The following VWA8 variants were observed in gnomAD, a reference collection of about 807,000 sequenced individuals.
VWA8 encodes von Willebrand factor A domain containing 8, also known as von Willebrand factor A domain-containing protein 8.
VWA8 carries 221 observed loss-of-function variants against 241.5 expected under a neutral mutation model. That is an observed-to-expected ratio of 0.91 (90% CI 0.82 to 1.02). The LOEUF is 1.02. Among genes scored for constraint, VWA8 ranks in the 50% least tolerant of loss-of-function variants. The pLI, the probability that VWA8 is intolerant of heterozygous loss-of-function variation, is 0.00. For missense variants in VWA8, 2,322 were observed against 2,328.7 expected (o/e 1.00, Z 0.06); for synonymous variants, 852 against 827.1 (o/e 1.03, Z -0.52).
chr13:41,637,406 C>T (rs1176174795), intron 37 of VWA8, among the ~76,000 whole-genome samples: 1 of 109,758 alleles, frequency 9.1e-6, no homozygotes, highest in African/African-American at 3.7e-5. Flanking sequence ...CACTCTGGGG[C>T]CTGTTGTGGG....
chr13:41,876,835 G>A (rs182166119), intron 9 of VWA8, among the ~76,000 whole-genome samples: 3 of 152,080 alleles, frequency 2.0e-5, no homozygotes, highest in East Asian at 3.9e-4. Context: ...AATACTCTCC[G>A]CAGTTCTGCT....
intron 36 of VWA8, 67 bp downstream of exon 36, chr13:41,675,148 G>C: frequency 8.5e-7 from 1 of 1,180,480 alleles, no homozygotes; most frequent in Non-Finnish European, 1.2e-6. Flanking sequence ...TTTATTCAGA[G>C]TACTTAGCAA....
At chr13:41,708,971 T>C (rs2045299927) in intron 26 of VWA8, among the ~76,000 whole-genome samples, 1 of 152,202 alleles carries the variant, frequency 6.6e-6, no homozygotes, top group South Asian at 2.1e-4. Context: ...GTCTTCTCTC[T>C]TTCTGCCATC....
intron 36 of VWA8, among the ~76,000 whole-genome samples, chr13:41,672,179 T>A (rs1475749772): frequency 6.6e-6 from 1 of 152,214 alleles, no homozygotes; most frequent in Non-Finnish European, 1.5e-5. Context: ...CGACTGCATT[T>A]GTATGTGATA....
chr13:41,890,375 A>C (rs1874776793), intron 5 of VWA8, among the ~76,000 whole-genome samples: 1 of 152,248 alleles, frequency 6.6e-6, no homozygotes, highest in South Asian at 2.1e-4. Flanking sequence ...CCTAGAATGT[A>C]CAGGCAGAGC....
chr13:41,702,304 C>T (rs1324769863), intron 27 of VWA8, among the ~76,000 whole-genome samples: 1 of 152,122 alleles, frequency 6.6e-6, no homozygotes, highest in East Asian at 1.9e-4. Flanking sequence ...TAGTCTATAT[C>T]TTGAGGGCTA....
At chr13:41,814,487 G>C (rs1240529070) in intron 16 of VWA8, among the ~76,000 whole-genome samples, 5 of 152,152 alleles carry the variant, frequency 3.3e-5, no homozygotes, top group African/African-American at 7.2e-5. Flanking sequence ...GAAGCTAAGT[G>C]TGGGAAGAGC....
chr13:41,926,854 A>G, intron 2 of VWA8: 1 of 576,316 alleles, frequency 1.7e-6, no homozygotes, highest in East Asian at 4.6e-5. Context: ...CTTCTTAATG[A>G]TATCTGTGTG....
chr13:41,706,553 AAT>A (rs2045284244), intron 26 of VWA8, among the ~76,000 whole-genome samples: 1 of 152,204 alleles, frequency 6.6e-6, no homozygotes, highest in East Asian at 1.9e-4. Context: ...AAGACCTCTG[AAT>A]AAGCTGTGGG....
chr13:41,834,566 T>C (rs1248222384), intron 12 of VWA8, among the ~76,000 whole-genome samples: 1 of 152,122 alleles, frequency 6.6e-6, no homozygotes, highest in Non-Finnish European at 1.5e-5. Context: ...TGGCTATTAC[T>C]AAAAATTCAA....
rs775794513 is a variant in VWA8, at chr13:41,787,472, T to G, written c.2135A>C (p.Asp712Ala). Residue 712 changes from aspartate to alanine, a missense_variant, in exon 18 of 45, where the codon GAT becomes GCT. Asp to Ala is a moderately radical substitution (Grantham distance 126, BLOSUM62 -2). Coordinates refer to ENST00000379310, the MANE Select transcript of VWA8 (RefSeq NM_015058.2). ...CTTCAGTTCTGGCTCCAAATTGTCA[T>G]CAGTATTTATTTCTATTGTAGCATC... The part of the protein sequence containing the change: ...LADATIEINT[D>A]DNLEPELKDY... The G allele has an allele frequency of 4.3e-6, 7 of 1,611,058 alleles. No homozygotes were observed. Among genetic ancestry groups the G allele is most frequent in the Non-Finnish European group, 5.1e-6 (6 of 1,177,888 alleles).
chr13:41,942,047 A>G (rs1311131188), intron 2 of VWA8, among the ~76,000 whole-genome samples: 2 of 152,202 alleles, frequency 1.3e-5, no homozygotes, highest in African/African-American at 4.8e-5. Flanking sequence ...AAGACCCAGA[A>G]AGCAGGAAAA....
At chr13:41,833,768 T>C (rs907115181) in intron 12 of VWA8, among the ~76,000 whole-genome samples, 1 of 152,180 alleles carries the variant, frequency 6.6e-6, no homozygotes, top group African/African-American at 2.4e-5. Flanking sequence ...GAGAGGTTTT[T>C]TTCCCTACTT....
At chr13:41,952,826 CAAAAAGGGAACT>C (rs1878196488) in intron 1 of VWA8, among the ~76,000 whole-genome samples, 1 of 151,624 alleles carries the variant, frequency 6.6e-6, no homozygotes, top group Non-Finnish European at 1.5e-5. Context: ...GAGGAGAGTA[CAAAAAGGGAACT>C]ATTTACAAAG....
chr13:41,788,734 C>G (rs1201726615), intron 17 of VWA8, among the ~76,000 whole-genome samples: 1 of 152,166 alleles, frequency 6.6e-6, no homozygotes, highest in Non-Finnish European at 1.5e-5. Flanking sequence ...TACCACTATC[C>G]CACAAACCAG....
rs976091538 is a variant in VWA8 at position 41,650,838 on chromosome 13, G to A, written c.4611+20108C>T. Among the ~76,000 whole-genome samples the A allele has an allele frequency of 3.7e-4, 56 of 152,326 alleles. 1 individual carries two copies. The highest frequency in any genetic ancestry group is 1.3e-3 in the African/African-American group (56 of 41,574). ...AGGGTAGACAGGCTGCATCCAAGGAGGGCTTAGGGAGACATTGGCATGCAG... is the reference window on the plus strand; with the variant it reads ...AGGGTAGACAGGCTGCATCCAAGGAAGGCTTAGGGAGACATTGGCATGCAG... On this transcript the variant is annotated intron_variant, in intron 37 of 44. Coordinates refer to ENST00000379310, the MANE Select transcript of VWA8 (RefSeq NM_015058.2).
intron 19 of VWA8, 82 bp from the exon 20 acceptor site, chr13:41,778,138 G>GTT: frequency 2.1e-6 from 2 of 934,036 alleles, no homozygotes; most frequent in African/African-American, 1.7e-5. Context: ...TATCTTTATA[G>GTT]AATATAAATA....
intron 17 of VWA8, among the ~76,000 whole-genome samples, chr13:41,791,548 T>C (rs1869463895): frequency 6.6e-6 from 1 of 151,894 alleles, no homozygotes; most frequent in South Asian, 2.1e-4. Context: ...CTGGTGTGTA[T>C]TTGTTGTCCA....
chr13:41,901,991 G>A (rs980141510), intron 4 of VWA8, among the ~76,000 whole-genome samples: 3 of 142,888 alleles, frequency 2.1e-5, no homozygotes, highest in South Asian at 2.2e-4. Context: ...ACATAACAAC[G>A]AGCAAACACT....
Sources: allele counts gnomAD v4.1 joint callset (sites outside exome capture counted in the v4.1 genomes callset), GRCh38; gene constraint gnomAD v4.1.1; transcripts MANE v1.5; gene names NCBI Gene and HGNC (gene_info 2026-07-23, HGNC 2026-07-21).